CGNL1: variants seen among roughly 807,000 people sequenced by gnomAD.
CGNL1 encodes cingulin-like protein 1.
Under a neutral mutation model 141.2 loss-of-function variants are expected in CGNL1, and 132 were observed. The ratio of observed to expected loss-of-function variants is 0.93; its 90% CI spans 0.81 to 1.08. The LOEUF (loss-of-function observed/expected upper bound fraction) is 1.08. Ranked by LOEUF, CGNL1 falls within the 50% of genes least tolerant of loss-of-function variation. The probability of loss-of-function intolerance (pLI) is 0.00; values close to 1 mark genes in which losing one functional copy is unlikely to be tolerated. For synonymous variants in CGNL1, 690 were observed against 622.1 expected (o/e 1.11, Z -1.63); for missense variants, 1,870 against 1,588.6 (o/e 1.18, Z -3.01).
chr15:57,408,187 GTCTAT>G (rs1292947939), intron 1 of CGNL1, among the ~76,000 whole-genome samples: 1 of 152,130 alleles, frequency 6.6e-6, no homozygotes, highest in African/African-American at 2.4e-5. Context: ...GAAGAAAATA[GTCTAT>G]CCCACGAAGC....
chr15:57,480,300 C>T (rs1257671001), intron 8 of CGNL1, among the ~76,000 whole-genome samples: 1 of 131,854 alleles, frequency 7.6e-6, no homozygotes, highest in Admixed American at 7.3e-5. Context: ...GGTGGATCAC[C>T]TGAGGTCAGG....
intron 14 of CGNL1, among the ~76,000 whole-genome samples, chr15:57,541,465 A>C (rs752957793): frequency 3.3e-5 from 5 of 152,166 alleles, no homozygotes; most frequent in Non-Finnish European, 4.4e-5. Context: ...GGTAACAGTA[A>C]CAGCAATTGT....
In CGNL1 at chr15:57,516,081, C is replaced by T. The variant is rs190753003; in HGVS notation, c.2404-699C>T. ...GGCTGAAGCAGGAGAATGGTGTGAA[C>T]CCAGGAGGCGGAGCTTGCAGTGAGC... On this transcript the variant is annotated intron_variant, in intron 8 of 18. Coordinates refer to ENST00000281282, the MANE Select transcript of CGNL1 (RefSeq NM_032866.5). Among the ~76,000 whole-genome samples the T allele has an allele frequency of 3.9e-3, 581 of 148,918 alleles. 2 individuals are homozygous for T. Among genetic ancestry groups the T allele is most frequent in the African/African-American group, 0.014 (559 of 40,542 alleles).
At chr15:57,527,193 G>A (rs2031668071) in intron 12 of CGNL1, 1 of 152,154 alleles carries the variant, frequency 6.6e-6, no homozygotes, top group African/African-American at 2.4e-5. Context: ...AAAACCAGAT[G>A]TGGGTCTTCA....
chr15:57,514,019 A>G (rs1028901228), intron 8 of CGNL1, among the ~76,000 whole-genome samples: 1 of 152,210 alleles, frequency 6.6e-6, no homozygotes, highest in South Asian at 2.1e-4. Flanking sequence ...CTTTTTTATT[A>G]TAGCTATCCT....
intron 8 of CGNL1, among the ~76,000 whole-genome samples, chr15:57,498,983 C>T (rs1042860055): frequency 2.0e-5 from 3 of 152,016 alleles, no homozygotes; most frequent in African/African-American, 4.8e-5. Context: ...TCCTTAAGAG[C>T]GCAAGAAGGC....
chr15:57,497,350 T>C (rs1219632074), intron 8 of CGNL1, among the ~76,000 whole-genome samples: 2 of 21,904 alleles, frequency 9.1e-5, no homozygotes, highest in Non-Finnish European at 1.8e-4. Flanking sequence ...TAGATTGGAG[T>C]GGGAACTGGG....
At chr15:57,404,832 T>G (rs2062697299) in intron 1 of CGNL1, among the ~76,000 whole-genome samples, 1 of 152,142 alleles carries the variant, frequency 6.6e-6, no homozygotes, top group Admixed American at 6.5e-5. Context: ...GGGAATCAAG[T>G]TCATGTGGAA....
chr15:57,428,117 G>A (rs35347990), intron 1 of CGNL1, among the ~76,000 whole-genome samples: 44,421 of 152,184 alleles, frequency 0.29, 7,025 homozygotes, highest in Non-Finnish European at 0.36. Flanking sequence ...AGGCCTGGCC[G>A]AGGAGTGACA....
intron 7 of CGNL1, among the ~76,000 whole-genome samples, chr15:57,454,590 T>C (rs2063357145): frequency 6.6e-6 from 1 of 152,214 alleles, no homozygotes; most frequent in Admixed American, 6.5e-5. Flanking sequence ...GATGAGTGAC[T>C]CTGGTCACCC....
intron 1 of CGNL1, among the ~76,000 whole-genome samples, chr15:57,394,639 A>G (rs1387137986): frequency 6.6e-6 from 1 of 152,170 alleles, no homozygotes; most frequent in Admixed American, 6.5e-5. Context: ...AGACTATTGT[A>G]TCAGTGTTAC....
At chr15:57,479,613 G>A (rs1201225243) in intron 8 of CGNL1, among the ~76,000 whole-genome samples, 2 of 152,160 alleles carry the variant, frequency 1.3e-5, no homozygotes, top group Admixed American at 1.3e-4. Flanking sequence ...GCAGTGAGCC[G>A]AGATTGTGCC....
chr15:57,481,602 T>C (rs907412333), intron 8 of CGNL1, among the ~76,000 whole-genome samples: 8 of 152,342 alleles, frequency 5.3e-5, no homozygotes, highest in South Asian at 4.1e-4. Flanking sequence ...GAAGGACTTA[T>C]GGGATGTTTC....
At chr15:57,500,075 G>T (rs1301639747) in intron 8 of CGNL1, among the ~76,000 whole-genome samples, 1 of 152,158 alleles carries the variant, frequency 6.6e-6, no homozygotes, top group Admixed American at 6.5e-5. Flanking sequence ...TTGCTTTCTA[G>T]CAGTGACTGG....
In CGNL1 at chr15:57,506,188, G is replaced by A. The variant is rs193070211; in HGVS notation, c.2404-10592G>A. 1.2e-4 allele frequency among the ~76,000 whole-genome samples: 19 copies of A among 152,298 alleles called. No individual in the cohort carries two copies. In the East Asian group the frequency reaches 1.7e-3, roughly 14 times the overall value. On this transcript the variant is annotated intron_variant, in intron 8 of 18. Coordinates refer to ENST00000281282, the MANE Select transcript of CGNL1 (RefSeq NM_032866.5). ...GGGAGTCTAACGCTTGCATTTACCCGGTTCCCACCCCCCAATATTTTCCTA... is the reference window on the plus strand; with the variant it reads ...GGGAGTCTAACGCTTGCATTTACCCAGTTCCCACCCCCCAATATTTTCCTA...
At chr15:57,466,131 G>T (rs188903434) in intron 8 of CGNL1, among the ~76,000 whole-genome samples, 391 of 152,326 alleles carry the variant, frequency 2.6e-3, no homozygotes, top group African/African-American at 9.0e-3. Context: ...GATCTTCGTA[G>T]TCTGTTAGGA....
chr15:57,476,896 T>C (rs1275100546), intron 8 of CGNL1, among the ~76,000 whole-genome samples: 1 of 152,246 alleles, frequency 6.6e-6, no homozygotes, highest in East Asian at 1.9e-4. Flanking sequence ...GAGAAGCTTG[T>C]TCCATTCCTC....
intron 8 of CGNL1, among the ~76,000 whole-genome samples, chr15:57,483,444 A>T (rs2063750672): frequency 6.7e-6 from 1 of 149,362 alleles, no homozygotes. Context: ...TACCTTGCTG[A>T]AATCACATAT....
chr15:57,461,891 A>G lies in CGNL1; in HGVS notation c.2402A>G (p.Lys801Arg), dbSNP rs200181410. 1.7e-5 allele frequency: 28 copies of G among 1,612,834 alleles called. No homozygotes were observed. The highest frequency in any genetic ancestry group is 2.7e-5 in the African/African-American group (2 of 74,870). Residue 801 changes from lysine to arginine, a missense_variant and splice_region_variant, in exon 8 of 19, where the codon AAG becomes AGG. Lys to Arg is a conservative substitution (Grantham distance 26). Transcript: ENST00000281282. ...AGGGAGAGTGTGGAAGAAGCAACCA[A>G]GGTGAGGGATGGGGCAGGAGAATCT... is the stretch of plus-strand genomic sequence containing the variant. Reference protein sequence around the residue: ...ALRESVEEATKNVEVLASRSN... With the variant: ...ALRESVEEATRNVEVLASRSN...
Sources: allele counts gnomAD v4.1 joint callset (sites outside exome capture counted in the v4.1 genomes callset), GRCh38; gene constraint gnomAD v4.1.1; transcripts MANE v1.5; gene names NCBI Gene and HGNC (gene_info 2026-07-23, HGNC 2026-07-21).